AFAP1L2: variants seen among roughly 807,000 people sequenced by gnomAD.
The protein encoded by AFAP1L2 is actin filament-associated protein 1-like 2.
Under a neutral mutation model 99.3 loss-of-function variants are expected in AFAP1L2, and 46 were observed. That is an observed-to-expected ratio of 0.46 (90% CI 0.37 to 0.59). The LOEUF is 0.59. Ranked by LOEUF, AFAP1L2 falls within the 20% of genes least tolerant of loss-of-function variation. The pLI, the probability that AFAP1L2 is intolerant of heterozygous loss-of-function variation, is 0.00. For synonymous variants in AFAP1L2, 397 were observed against 419.1 expected, an observed-to-expected ratio of 0.95 and a Z score of 0.64; for missense variants, 959 against 1,034.9, an observed-to-expected ratio of 0.93 and a Z score of 1.01.
At chr10:114,392,649 T>C (rs1455414288) in intron 1 of AFAP1L2, among the ~76,000 whole-genome samples, 1 of 152,234 alleles carries the variant, frequency 6.6e-6, no homozygotes, top group Non-Finnish European at 1.5e-5. Context: ...TGTTTCCTCC[T>C]AAATCTAAAC....
At chr10:114,299,135 C>A in intron 16 of AFAP1L2, 125 bp downstream of exon 16, 2 of 1,176,894 alleles carry the variant, frequency 1.7e-6, no homozygotes, top group Non-Finnish European at 2.4e-6. Flanking sequence ...CCACCCAGGC[C>A]AAGGGTTGAA....
In AFAP1L2 at chr10:114,307,799, T is replaced by G. The variant is rs1251081924; in HGVS notation, c.1072+6A>C. 7.4e-6 allele frequency: 12 copies of G among 1,612,248 alleles called. No individual in the cohort carries two copies. Among genetic ancestry groups the G allele is most frequent in the Non-Finnish European group, 1.0e-5 (12 of 1,178,560 alleles). ...CTGTGGTCCCGGAGGTAGCTACAATTCTTACTGGATGTCTCGAGGGACCTC... is the reference window on the plus strand; with the variant it reads ...CTGTGGTCCCGGAGGTAGCTACAATGCTTACTGGATGTCTCGAGGGACCTC... On this transcript the variant is annotated splice_donor_region_variant and intron_variant, in intron 10 of 18. Transcript: ENST00000304129.
chr10:114,386,826 C>T (rs1029426600), intron 1 of AFAP1L2, among the ~76,000 whole-genome samples: 8 of 152,254 alleles, frequency 5.3e-5, no homozygotes, highest in Admixed American at 3.9e-4. Flanking sequence ...ATGTGGGCCT[C>T]GGTCCTGGGA....
At chr10:114,359,482 C>T (rs1344158704) in intron 1 of AFAP1L2, among the ~76,000 whole-genome samples, 2 of 152,252 alleles carry the variant, frequency 1.3e-5, no homozygotes, top group Admixed American at 6.5e-5. Context: ...CAGACCAGTA[C>T]TGCTGGTGTC....
At chr10:114,355,715 T>TA (rs1395175942) in intron 1 of AFAP1L2, among the ~76,000 whole-genome samples, 1 of 152,180 alleles carries the variant, frequency 6.6e-6, no homozygotes, top group Admixed American at 6.5e-5. Flanking sequence ...CTCATACCTG[T>TA]AACCCCAGCA....
rs138206691 is a variant in AFAP1L2 at position 114,312,160 on chromosome 10, G to T, written c.792+1711C>A. ...AGGGCGTGAGAGTTTGGGGAGGGAG[G>T]CTAGGGGCCAGGGAGAAGATCGGTG... On this transcript the variant is annotated intron_variant, in intron 7 of 18. Transcript: ENST00000304129. 3.7e-4 allele frequency among the ~76,000 whole-genome samples: 57 copies of T among 152,200 alleles called. No homozygotes were observed. The East Asian group carries it at 0.01, about 27-fold the overall frequency.
chr10:114,282,423 T>C, the AFAP1L2 span: 1 of 1,008,992 alleles, frequency 9.9e-7, no homozygotes, highest in Non-Finnish European at 1.6e-6. Flanking sequence ...ATTGGAATCT[T>C]CTATCAGCTT....
chr10:114,327,173 A>ATATATATATATATATATATTT (rs1491191152), intron 4 of AFAP1L2, among the ~76,000 whole-genome samples: 3 of 18,698 alleles, frequency 1.6e-4, no homozygotes, highest in African/African-American at 3.4e-4. Flanking sequence ...ATATATATAT[A>ATATATATATATATATATATTT]TTTTTTTTTT....
chr10:114,295,486 T>C lies in AFAP1L2; in HGVS notation c.*556A>G. On this transcript the variant is annotated 3_prime_UTR_variant, in exon 19 of 19. Coordinates refer to ENST00000304129, the MANE Select transcript of AFAP1L2 (RefSeq NM_001001936.3). ...TCAAAACTCATGTCATAGATGGTTT[T>C]ACAGATGATGGTTTTACAGATGATG... is the stretch of plus-strand genomic sequence containing the variant. 1 of 965,284 alleles carries C rather than the reference T, an allele frequency of 1.0e-6. No homozygotes were observed. The highest frequency in any genetic ancestry group is 1.2e-6 in the Non-Finnish European group (1 of 822,756). 59.8% of individuals were successfully genotyped at this position (965,284 alleles called of 1,614,324 possible). A position where few individuals can be genotyped will look rare whatever the true frequency, so the allele number is the denominator to read the frequency against.
rs1564867616 is a variant in AFAP1L2 at position 114,323,316 on chromosome 10, C to T, written c.316-55G>A. The T allele has an allele frequency of 3.4e-6, 5 of 1,472,150 alleles. No homozygotes were observed. In the Admixed American group the frequency reaches 7.9e-5, roughly 23 times the overall value. 91.2% of individuals were successfully genotyped at this position (1,472,150 alleles called of 1,614,324 possible). On this transcript the variant is annotated intron_variant, in intron 4 of 18. Coordinates refer to ENST00000304129, the MANE Select transcript of AFAP1L2 (RefSeq NM_001001936.3). ...TGCAGATATGGTACACTGGGAGCAACTTGGAAATAACTCTTCGGGTGGAAG... is the reference window on the plus strand; with the variant it reads ...TGCAGATATGGTACACTGGGAGCAATTTGGAAATAACTCTTCGGGTGGAAG...
chr10:114,314,666 A>G (rs2043825326), intron 6 of AFAP1L2, among the ~76,000 whole-genome samples: 2 of 152,226 alleles, frequency 1.3e-5, no homozygotes, highest in East Asian at 3.9e-4. Context: ...AAAGGTGTTT[A>G]TAATAATTCC....
At chr10:114,351,403 G>A (rs182234982) in intron 1 of AFAP1L2, among the ~76,000 whole-genome samples, 2 of 152,204 alleles carry the variant, frequency 1.3e-5, no homozygotes, top group Non-Finnish European at 2.9e-5. Context: ...GAAAATCACC[G>A]TATGTCCAGA....
At chr10:114,305,050 G>T in intron 10 of AFAP1L2, 120 bp from the exon 11 acceptor site, 1 of 706,630 alleles carries the variant, frequency 1.4e-6, no homozygotes, top group Non-Finnish European at 2.3e-6. Context: ...TGCGGGAGGG[G>T]AAGCGGATGC....
intron 4 of AFAP1L2, among the ~76,000 whole-genome samples, 171 bp from the exon 5 acceptor site, chr10:114,323,432 C>T (rs1236895134): frequency 6.6e-6 from 1 of 152,136 alleles, no homozygotes; most frequent in Non-Finnish European, 1.5e-5. Context: ...CAGTCACAGT[C>T]CATAGTGTTT....
At chr10:114,301,103 C>A (rs1425451406) in intron 13 of AFAP1L2, among the ~76,000 whole-genome samples, 2 of 152,212 alleles carry the variant, frequency 1.3e-5, no homozygotes, top group South Asian at 4.1e-4. Context: ...CACCACCACA[C>A]CCCTAGCCCT....
chr10:114,365,534 C>T (rs1265811564), intron 1 of AFAP1L2, among the ~76,000 whole-genome samples: 1 of 151,912 alleles, frequency 6.6e-6, no homozygotes, highest in Non-Finnish European at 1.5e-5. Flanking sequence ...AATCTTTATC[C>T]TGTATAGAAA....
intron 1 of AFAP1L2, among the ~76,000 whole-genome samples, chr10:114,354,731 G>A (rs2051066122): frequency 1.3e-5 from 2 of 152,178 alleles, no homozygotes; most frequent in South Asian, 2.1e-4. Context: ...CCAGTCTAAC[G>A]ATTAAGCCAG....
chr10:114,309,417 C>T (rs2042879911), intron 8 of AFAP1L2, among the ~76,000 whole-genome samples: 2 of 152,316 alleles, frequency 1.3e-5, no homozygotes, highest in East Asian at 3.9e-4. Context: ...TGCTCGAGCC[C>T]TCTGTGTGCC....
chr10:114,383,757 T>C (rs192181572), intron 1 of AFAP1L2, among the ~76,000 whole-genome samples: 1 of 152,268 alleles, frequency 6.6e-6, no homozygotes, highest in Admixed American at 6.5e-5. Flanking sequence ...TCCAACCAAC[T>C]TGGAAATCTG....
Sources: allele counts gnomAD v4.1 joint callset (sites outside exome capture counted in the v4.1 genomes callset), GRCh38; gene constraint gnomAD v4.1.1; transcripts MANE v1.5; gene names NCBI Gene and HGNC (gene_info 2026-07-23, HGNC 2026-07-21).